Variants in MYO15B observed in about 807,000 individuals in gnomAD.
The protein encoded by MYO15B is myosin XVB, also known as myosin XVB pseudogene.
In MYO15B, 207 loss-of-function variants were observed where a neutral mutation model predicts 119.3. The ratio of observed to expected loss-of-function variants is 1.73; its 90% CI spans 1.55 to 1.95. The LOEUF (loss-of-function observed/expected upper bound fraction) is 1.95, where lower values mean the gene tolerates loss of function less well. Among genes scored for constraint, MYO15B ranks in the 30% most tolerant of loss-of-function variants. The pLI is 0.00. For missense variants in MYO15B, 2,264 were observed against 1,203.1 expected, an observed-to-expected ratio of 1.88 and a Z score of -13.04; for synonymous variants, 966 against 498.9, an observed-to-expected ratio of 1.94 and a Z score of -12.48.
intron 61 of MYO15B, 39 bp from the exon 62 acceptor site, chr17:75,625,805 A>G (rs1299930710): frequency 7.1e-6 from 5 of 701,648 alleles, no homozygotes; most frequent in Non-Finnish European, 1.3e-5. Context: ...CCAGGGCCCC[A>G]GCAGTCAGAT....
In MYO15B at chr17:75,592,370, G is replaced by T. The variant is rs549930144; in HGVS notation, c.2716-58G>T. The T allele has an allele frequency of 7.2e-6, 5 of 697,302 alleles. No homozygotes were observed. The East Asian group carries it at 1.1e-4, about 15-fold the overall frequency. 43.2% of individuals were successfully genotyped at this position (697,302 alleles called of 1,614,324 possible). On this transcript the variant is annotated intron_variant, in intron 7 of 63. Transcript: ENST00000645453. ...AGGAAGGGCAGAGGGTGTCACTGTCGGGGTGTGGCCTCTAAGCCCCTAGGG... is the reference window on the plus strand; with the variant it reads ...AGGAAGGGCAGAGGGTGTCACTGTCTGGGTGTGGCCTCTAAGCCCCTAGGG...
chr17:75,610,382 A>G, intron 22 of MYO15B, 123 bp downstream of exon 22: 2 of 567,264 alleles, frequency 3.5e-6, no homozygotes, highest in Middle Eastern at 4.7e-4. Context: ...GGCTTCAGAC[A>G]CAGTGCTCCT....
At chr17:75,591,931 G>T in intron 5 of MYO15B, 46 bp from the exon 6 acceptor site, 1 of 693,132 alleles carries the variant, frequency 1.4e-6, no homozygotes, top group Non-Finnish European at 2.6e-6. Flanking sequence ...CCTGCTGGTG[G>T]GGGCTACTGC....
chr17:75,591,394 A>ATT lies in MYO15B; in HGVS notation c.2435+149_2435+150insTT, dbSNP rs2056438578. On this transcript the variant is annotated intron_variant, in intron 4 of 63. Transcript: ENST00000645453. ...CCTCAGGGCCGAGCTCCTGGCTGAA[A>ATT]TCATCACATGAGCCCCTGGAATGTG... 6.5e-6 allele frequency: 4 copies of ATT among 619,550 alleles called. No homozygotes were observed. The South Asian group carries it at 7.6e-5, about 12-fold the overall frequency. 38.4% of individuals were successfully genotyped at this position (619,550 alleles called of 1,614,324 possible).
Position 75,615,795 on chromosome 17 carries a change from C to T in MYO15B, c.5941C>T (p.Pro1981Ser), listed in dbSNP as rs1465454633. 7.1e-6 allele frequency: 5 copies of T among 702,584 alleles called. 1 individual carries two copies. The Admixed American group carries it at 1.0e-4, about 14-fold the overall frequency. The allele number at this position is 702,584 out of a possible 1,614,324, so 43.5% of individuals were successfully genotyped here. A position where few individuals can be genotyped will look rare whatever the true frequency, so the allele number is the denominator to read the frequency against. ...CTCCGAGGCTGCGTCCCAGGCCTCA[C>T]CCTCAGCCGTCACCTCCAAGCCCAG... Residue 1981 changes from proline (P) to serine (S), a missense_variant, in exon 36 of 64, where the codon CCC (proline) becomes TCC (serine). Coordinates refer to ENST00000645453, the Ensembl canonical transcript of MYO15B.
rs1250159859 is a variant in MYO15B, at chr17:75,601,445, A to AC, written c.3535dup (p.His1179ProfsTer13). Reference sequence around the variant, plus strand: ...TCATGGCTCCTCTCCTAGGCCACGGACCACACCTTCCTCCAGAAGAGCCAC... The same window carrying AC: ...TCATGGCTCCTCTCCTAGGCCACGGACCCACACCTTCCTCCAGAAGAGCCAC... On this transcript the variant is annotated frameshift_variant, in exon 15 of 64. Coordinates refer to ENST00000645453, the Ensembl canonical transcript of MYO15B. LOFTEE classifies it high-confidence loss of function. The AC allele has an allele frequency of 5.7e-6, 4 of 702,868 alleles. No homozygotes were observed. Among genetic ancestry groups the AC allele is most frequent in the Non-Finnish European group, 1.0e-5 (4 of 384,990 alleles). 43.5% of individuals were successfully genotyped at this position (702,868 alleles called of 1,614,324 possible).
intron 12 of MYO15B, among the ~76,000 whole-genome samples, chr17:75,595,471 T>C (rs1285330715): frequency 6.6e-6 from 1 of 152,146 alleles, no homozygotes; most frequent in Admixed American, 6.5e-5. Context: ...GTCCTGCCAC[T>C]CACTAGCTGT....
chr17:75,601,586 C>G lies in MYO15B; in HGVS notation c.3651+23C>G, dbSNP rs764488669. 7.1e-6 allele frequency: 5 copies of G among 700,186 alleles called. No individual in the cohort carries two copies. The Admixed American group carries it at 1.0e-4, about 14-fold the overall frequency. 43.4% of individuals were successfully genotyped at this position (700,186 alleles called of 1,614,324 possible). A position where few individuals can be genotyped will look rare whatever the true frequency, so the allele number is the denominator to read the frequency against. On this transcript the variant is annotated intron_variant, in intron 15 of 63. Transcript: ENST00000645453. ...CAGGTACCTGGCCTCAGGGACAGAC[C>G]AGGGTGAATCAGCGAGGGCAGTGTC...
intron 19 of MYO15B, among the ~76,000 whole-genome samples, chr17:75,604,681 T>A (rs1360057833): frequency 6.6e-6 from 1 of 151,444 alleles, no homozygotes; most frequent in East Asian, 1.9e-4. Flanking sequence ...CACACCATGT[T>A]CACCTGTTCT....
chr17:75,609,990 C>T (rs2057918093), intron 21 of MYO15B, among the ~76,000 whole-genome samples, 176 bp from the exon 22 acceptor site: 3 of 152,206 alleles, frequency 2.0e-5, no homozygotes, highest in Admixed American at 6.5e-5. Context: ...CGCACCCGAC[C>T]CTTGCTTTTC....
At chr17:75,618,996 C>T (rs2058542292) in intron 43 of MYO15B, 147 bp from the exon 44 acceptor site, 1 of 627,096 alleles carries the variant, frequency 1.6e-6, no homozygotes, top group East Asian at 2.7e-5. Context: ...CCCTGCCCCA[C>T]CTAGGCCCTC....
At chr17:75,599,438 C>T (rs2057097022) in intron 14 of MYO15B, among the ~76,000 whole-genome samples, 1 of 151,774 alleles carries the variant, frequency 6.6e-6, no homozygotes, top group African/African-American at 2.4e-5. Context: ...CCATGCTTGG[C>T]TAATTTTTTT....
intron 43 of MYO15B, among the ~76,000 whole-genome samples, chr17:75,618,641 T>C (rs1568210400): frequency 6.6e-6 from 1 of 152,236 alleles, no homozygotes; most frequent in Non-Finnish European, 1.5e-5. Context: ...AGAGCGAGAC[T>C]GTGTCTCAAC....
chr17:75,606,839 G>C (rs2057687929), intron 21 of MYO15B: 1 of 396,104 alleles, frequency 2.5e-6, no homozygotes, highest in Admixed American at 4.4e-5. Context: ...CCCAATTTAG[G>C]CCAGACTTTT....
rs1568233665 is a variant in MYO15B at position 75,624,221 on chromosome 17, T to TG, written c.8325dup (p.Arg2776AlafsTer9). ...AGCACCTCCAGCGCACAGTCAAATA[T>TG]GGGGGGCGCCGGCGGATGCCCCCAC... is the stretch of plus-strand genomic sequence containing the variant. On this transcript the variant is annotated frameshift_variant, in exon 56 of 64. Coordinates refer to ENST00000645453, the Ensembl canonical transcript of MYO15B. LOFTEE classifies it high-confidence loss of function. 1.4e-6 allele frequency: 1 copy of TG among 702,830 alleles called. No individual in the cohort carries two copies. The highest frequency in any genetic ancestry group is 2.6e-6 in the Non-Finnish European group (1 of 384,962). The allele number at this position is 702,830 out of a possible 1,614,324, so 43.5% of individuals were successfully genotyped here.
intron 36 of MYO15B, 47 bp from the exon 37 acceptor site, chr17:75,616,022 G>A (rs1050671489): frequency 5.1e-6 from 3 of 583,528 alleles, no homozygotes; most frequent in Non-Finnish European, 9.1e-6. Context: ...TGTGGCGAGT[G>A]TGGCACCCAG....
At chr17:75,604,362 G>A (rs984768501) in intron 19 of MYO15B, among the ~76,000 whole-genome samples, 2 of 151,960 alleles carry the variant, frequency 1.3e-5, no homozygotes, top group Non-Finnish European at 2.9e-5. Context: ...GAACCTGCAC[G>A]GTGCTTGCTT....
intron 42 of MYO15B, 46 bp downstream of exon 42, chr17:75,617,968 G>A: frequency 1.4e-6 from 1 of 697,600 alleles, no homozygotes; most frequent in South Asian, 1.5e-5. Flanking sequence ...TGGGCTGGCA[G>A]GGAGGCGGCA....
chr17:75,617,333 G>A, intron 41 of MYO15B, 29 bp downstream of exon 41: 1 of 602,178 alleles, frequency 1.7e-6, no homozygotes, highest in Non-Finnish European at 3.0e-6. Context: ...CCTGCGCCGT[G>A]GGCTTCACTG....
Sources: allele counts gnomAD v4.1 joint callset (sites outside exome capture counted in the v4.1 genomes callset), GRCh38; gene constraint gnomAD v4.1.1; transcripts MANE v1.5; gene names NCBI Gene and HGNC (gene_info 2026-07-23, HGNC 2026-07-21).